Variants in COX5A observed in about 807,000 individuals in gnomAD.
COX5A encodes the protein cytochrome c oxidase subunit 5A.
Under a neutral mutation model 16.1 loss-of-function variants are expected in COX5A, and 6 were observed. The ratio of observed to expected loss-of-function variants is 0.37; its 90% CI spans 0.20 to 0.73. The LOEUF is 0.73. Among genes scored for constraint, COX5A ranks in the 30% least tolerant of loss-of-function variants. COX5A has a pLI of 0.50. For missense variants in COX5A, 159 were observed against 194.9 expected (o/e 0.82, Z 1.10); for synonymous variants, 73 against 73.8 (o/e 0.99, Z 0.06).
At chr15:74,937,773 GCAGGGCGGCCCGC>G in intron 1 of COX5A, 129 bp downstream of exon 1, 3 of 475,436 alleles carry the variant, frequency 6.3e-6, no homozygotes, top group Non-Finnish European at 1.0e-5. Flanking sequence ...GAGGCGGCGG[GCAGGGCGGCCCGC>G]GGTCACCGGG....
At chr15:74,933,440 TA>T (rs1445718515) in intron 1 of COX5A, among the ~76,000 whole-genome samples, 1 of 126,262 alleles carries the variant, frequency 7.9e-6, no homozygotes, top group Non-Finnish European at 1.6e-5. Context: ...TCTATCTATC[TA>T]TCTATCTATC....
In COX5A at chr15:74,938,049, A is replaced by G. The variant is rs888675313; in HGVS notation, c.-35T>C. On this transcript the variant is annotated 5_prime_UTR_variant, in exon 1 of 5. Transcript: ENST00000322347. ...GGCGGCGCGCGGGCTGAGGACAGAG[A>G]GAAGCCGGTGTAAGCTCGCGGGTTG... The G allele has an allele frequency of 8.3e-6, 10 of 1,210,608 alleles. No homozygotes were observed. The African/African-American group carries it at 1.6e-4, about 19-fold the overall frequency. The allele number at this position is 1,210,608 out of a possible 1,614,324, so 75.0% of individuals were successfully genotyped here. A position where few individuals can be genotyped will look rare whatever the true frequency, so the allele number is the denominator to read the frequency against.
intron 3 of COX5A, among the ~76,000 whole-genome samples, chr15:74,924,957 T>C (rs2065336888): frequency 6.6e-6 from 1 of 152,200 alleles, no homozygotes; most frequent in African/African-American, 2.4e-5. Context: ...GCTGGAGACT[T>C]TTCACTGTAA....
rs190748112 is a variant in COX5A at position 74,932,355 on chromosome 15, A to G, written c.101-3123T>C. Among the ~76,000 whole-genome samples the G allele has an allele frequency of 7.2e-3, 1,007 of 140,566 alleles. 17 individuals carry two copies. The highest frequency in any genetic ancestry group is 0.048 in the South Asian group (175 of 3,616). 92.2% of individuals were successfully genotyped at this position (140,566 alleles called of 152,430 possible). A position where few individuals can be genotyped will look rare whatever the true frequency, so the allele number is the denominator to read the frequency against. On this transcript the variant is annotated intron_variant, in intron 1 of 4. Coordinates refer to ENST00000322347, the MANE Select transcript of COX5A (RefSeq NM_004255.4). ...TACTTTTAGAGATGGGGGTCTTGATATGTTGCCCAGGGTGGTCTTAAACTC... is the reference window on the plus strand; with the variant it reads ...TACTTTTAGAGATGGGGGTCTTGATGTGTTGCCCAGGGTGGTCTTAAACTC...
intron 2 of COX5A, among the ~76,000 whole-genome samples, chr15:74,928,410 A>C (rs1214891709): frequency 6.6e-6 from 1 of 151,924 alleles, no homozygotes; most frequent in Non-Finnish European, 1.5e-5. Flanking sequence ...TCTGAGACAG[A>C]GTCTCACTCT....
At chr15:74,920,967 ACT>A (rs771302150) in intron 4 of COX5A, among the ~76,000 whole-genome samples, 46 of 152,150 alleles carry the variant, frequency 3.0e-4, no homozygotes, top group Non-Finnish European at 5.7e-4. Flanking sequence ...ACAGAGCAAG[ACT>A]CTGTCTCCCA....
At chr15:74,923,574 T>C (rs993164626) in intron 4 of COX5A, 74 bp downstream of exon 4, 7 of 830,754 alleles carry the variant, frequency 8.4e-6, no homozygotes, top group South Asian at 4.5e-5. Flanking sequence ...GGTCTTACTA[T>C]AGCACACTGA....
intron 4 of COX5A, among the ~76,000 whole-genome samples, chr15:74,920,960 G>A (rs1270123310): frequency 2.0e-5 from 3 of 151,794 alleles, no homozygotes; most frequent in Non-Finnish European, 4.4e-5. Context: ...ATGGATGACA[G>A]AGCAAGACTC....
intron 3 of COX5A, 68 bp downstream of exon 3, chr15:74,926,698 A>G (rs2065346141): frequency 1.3e-6 from 2 of 1,511,192 alleles, no homozygotes; most frequent in Non-Finnish European, 1.8e-6. Flanking sequence ...AAAAATACAG[A>G]ATATTCTGAT....
chr15:74,937,304 C>G (rs138929859), intron 1 of COX5A, among the ~76,000 whole-genome samples: 112 of 152,252 alleles, frequency 7.4e-4, no homozygotes, highest in African/African-American at 2.6e-3. Context: ...TTATCATAAG[C>G]CCTATCAAAA....
At chr15:74,920,844 G>C (rs1409221437) in intron 4 of COX5A, among the ~76,000 whole-genome samples, 3 of 151,966 alleles carry the variant, frequency 2.0e-5, no homozygotes, top group African/African-American at 7.2e-5. Flanking sequence ...CTGGTGTGGT[G>C]GCCCATGCCT....
chr15:74,937,678 C>T (rs1234420131), intron 1 of COX5A: 4 of 336,326 alleles, frequency 1.2e-5, no homozygotes, highest in Non-Finnish European at 1.1e-5. Flanking sequence ...ACAGCAGGTC[C>T]ACATCTGACC....
Position 74,923,738 on chromosome 15 carries a change from G to C in COX5A, c.372C>G (p.Pro124=), listed in dbSNP as rs758503448. The part of the protein sequence containing the change: ...DKAGPHKEIY[P]YVIQELRPTL... ...TTGGTCTAAGTTCCTGGATGACATA[G>C]GGGTAGATTTCCTTATGAGGTCCTG... The change falls in exon 4 of 5, where the codon CCC becomes CCG. Residue 124 remains proline (P), a synonymous_variant. Transcript: ENST00000322347. The C allele has an allele frequency of 6.2e-7, 1 of 1,610,644 alleles. No individual in the cohort carries two copies. Among genetic ancestry groups the C allele is most frequent in the African/African-American group, 1.3e-5 (1 of 74,840 alleles).
At chr15:74,924,851 G>A (rs2065336448) in intron 3 of COX5A, among the ~76,000 whole-genome samples, 2 of 152,200 alleles carry the variant, frequency 1.3e-5, no homozygotes, top group African/African-American at 2.4e-5. Flanking sequence ...ATAAAGTAAT[G>A]TCACACTTTT....
At chr15:74,923,429 A>C (rs914645811) in intron 4 of COX5A, among the ~76,000 whole-genome samples, 3 of 152,054 alleles carry the variant, frequency 2.0e-5, no homozygotes, top group African/African-American at 7.2e-5. Flanking sequence ...AAAAAAGACG[A>C]AAGAAAGAAA....
At chr15:74,922,512 G>A (rs1406598364) in intron 4 of COX5A, among the ~76,000 whole-genome samples, 2 of 151,968 alleles carry the variant, frequency 1.3e-5, no homozygotes, top group African/African-American at 4.8e-5. Flanking sequence ...ATGTATGTAT[G>A]TATTTAATTA....
chr15:74,933,785 G>A (rs575227268), intron 1 of COX5A, among the ~76,000 whole-genome samples: 28 of 152,258 alleles, frequency 1.8e-4, no homozygotes, highest in Admixed American at 1.5e-3. Context: ...GTAATTACCT[G>A]TCCCATCCAC....
chr15:74,933,735 T>C (rs1401170035), intron 1 of COX5A, among the ~76,000 whole-genome samples: 3 of 152,136 alleles, frequency 2.0e-5, no homozygotes, highest in Non-Finnish European at 4.4e-5. Context: ...CACTCCTAAG[T>C]ATTTACCCAA....
chr15:74,937,889 C>T (rs1036635027), intron 1 of COX5A, 26 bp downstream of exon 1: 2 of 1,212,312 alleles, frequency 1.6e-6, no homozygotes, highest in African/African-American at 1.6e-5. Context: ...CACGAGGGCG[C>T]GGGCAGTGGC....
Sources: allele counts gnomAD v4.1 joint callset (sites outside exome capture counted in the v4.1 genomes callset), GRCh38; gene constraint gnomAD v4.1.1; transcripts MANE v1.5; gene names NCBI Gene and HGNC (gene_info 2026-07-23, HGNC 2026-07-21).